ARHGAP22: variants seen among roughly 807,000 people sequenced by gnomAD.
The protein encoded by ARHGAP22 is rho GTPase-activating protein 22.
In ARHGAP22, 48 loss-of-function variants were observed where a neutral mutation model predicts 59.1. That is an observed-to-expected ratio of 0.81 (90% CI 0.64 to 1.03). ARHGAP22 has a LOEUF of 1.03. Among genes scored for constraint, ARHGAP22 ranks in the 50% least tolerant of loss-of-function variants. ARHGAP22 has a pLI of 0.00. For missense variants in ARHGAP22, 1,015 were observed against 958.7 expected (o/e 1.06, Z -0.78); for synonymous variants, 445 against 416.4 (o/e 1.07, Z -0.84).
intron 2 of ARHGAP22, among the ~76,000 whole-genome samples, chr10:48,568,893 T>G (rs1259965918): frequency 6.6e-6 from 1 of 152,220 alleles, no homozygotes; most frequent in African/African-American, 2.4e-5. Context: ...GCACAGTGTT[T>G]CCAGTCTTCT....
chr10:48,626,817 C>T (rs1316110950), intron 1 of ARHGAP22, among the ~76,000 whole-genome samples: 1 of 152,174 alleles, frequency 6.6e-6, no homozygotes, highest in Non-Finnish European at 1.5e-5. Flanking sequence ...GAGAAAGCCC[C>T]TTTCAAAGGC....
chr10:48,654,821 TCTTTCTTC>T (rs200605630), upstream of ARHGAP22, among the ~76,000 whole-genome samples: 104 of 51,986 alleles, frequency 2.0e-3, 1 homozygote, highest in East Asian at 0.066. Context: ...TTTCTTTCTT[TCTTTCTTC>T]CTTCCTTCCT....
chr10:48,479,701 G>T lies in ARHGAP22; in HGVS notation c.386C>A (p.Ser129Tyr). The T allele has an allele frequency of 1.2e-6, 2 of 1,611,036 alleles. No homozygotes were observed. Among genetic ancestry groups the T allele is most frequent in the Non-Finnish European group, 1.7e-6 (2 of 1,178,676 alleles). The change falls in exon 4 of 10, where the codon TCC becomes TAC. Residue 129 changes from serine (S) to tyrosine (Y), a missense_variant. Coordinates refer to ENST00000249601, the MANE Select transcript of ARHGAP22 (RefSeq NM_021226.4). ...NPEALLLMASSQRDMEDWVQA... is the reference protein window; with the variant it reads ...NPEALLLMASYQRDMEDWVQA... ...CACCCAGTCCTCCATGTCACGCTGG[G>T]AGCTGGCCATGAGCAGGAGCGCCTC... is the stretch of plus-strand genomic sequence containing the variant.
intron 9 of ARHGAP22, among the ~76,000 whole-genome samples, chr10:48,449,091 C>A (rs539655523): frequency 6.6e-6 from 1 of 152,210 alleles, no homozygotes; most frequent in Non-Finnish European, 1.5e-5. Context: ...ACACAACTGG[C>A]GCAGCTGGTC....
chr10:48,465,591 AC>A (rs1054929214), intron 4 of ARHGAP22, among the ~76,000 whole-genome samples: 1 of 152,092 alleles, frequency 6.6e-6, no homozygotes, highest in Non-Finnish European at 1.5e-5. Flanking sequence ...CCTGAGTCCC[AC>A]CCCGAAGGCC....
Position 48,605,006 on chromosome 10 carries a change from C to G in ARHGAP22, c.-210G>C. 6.9e-7 allele frequency: 1 copy of G among 1,445,108 alleles called. No homozygotes were observed. The highest frequency in any genetic ancestry group is 1.4e-5 in the South Asian group (1 of 69,598). The allele number at this position is 1,445,108 out of a possible 1,614,324, so 89.5% of individuals were successfully genotyped here. Reference sequence around the variant, plus strand: ...ACATAAACCTCGATGCATTATTTATCCATCCCAGAATTAATTCCCATCCAA... The same window carrying G: ...ACATAAACCTCGATGCATTATTTATGCATCCCAGAATTAATTCCCATCCAA... On this transcript the variant is annotated 5_prime_UTR_variant, in exon 1 of 10. Transcript: ENST00000249601.
chr10:48,456,809 G>A (rs972547557), intron 5 of ARHGAP22, among the ~76,000 whole-genome samples: 3 of 150,686 alleles, frequency 2.0e-5, no homozygotes, highest in Non-Finnish European at 4.4e-5. Flanking sequence ...TCCTTTCCTC[G>A]TCCCTCCCTC....
chr10:48,453,956 G>T, intron 7 of ARHGAP22, 132 bp downstream of exon 7: 1 of 936,164 alleles, frequency 1.1e-6, no homozygotes. Context: ...TCCACGCTGG[G>T]TTGAGGCTGT....
At chr10:48,499,200 A>G (rs1207759277) in intron 3 of ARHGAP22, among the ~76,000 whole-genome samples, 2 of 152,248 alleles carry the variant, frequency 1.3e-5, no homozygotes, top group African/African-American at 4.8e-5. Flanking sequence ...TAAGAATAAC[A>G]TAGCTCCTTT....
chr10:48,575,305 A>G (rs1254694373), intron 2 of ARHGAP22: 1 of 152,216 alleles, frequency 6.6e-6, no homozygotes, highest in Non-Finnish European at 1.5e-5. Context: ...TAGCAATGGG[A>G]GAATGGAGTA....
intron 2 of ARHGAP22, among the ~76,000 whole-genome samples, chr10:48,567,496 TTG>T (rs1336133680): frequency 5.3e-5 from 8 of 152,198 alleles, no homozygotes; most frequent in African/African-American, 1.4e-4. Context: ...AGGGGAGCTC[TTG>T]AATCCCCTAG....
At chr10:48,522,312 G>A (rs527838753) in intron 3 of ARHGAP22, among the ~76,000 whole-genome samples, 8 of 152,316 alleles carry the variant, frequency 5.3e-5, no homozygotes, top group African/African-American at 1.9e-4. Flanking sequence ...GCCATCTCTC[G>A]GGTAGGTGGG....
chr10:48,635,744 T>A (rs754133964), intron 1 of ARHGAP22, among the ~76,000 whole-genome samples: 5 of 152,218 alleles, frequency 3.3e-5, no homozygotes, highest in Non-Finnish European at 5.9e-5. Flanking sequence ...CTTTGCCCCA[T>A]CAGTCCTGCT....
chr10:48,579,696 G>A (rs892572059), intron 2 of ARHGAP22, among the ~76,000 whole-genome samples: 14 of 152,184 alleles, frequency 9.2e-5, no homozygotes, highest in Non-Finnish European at 1.6e-4. Context: ...TGTGAGCTCT[G>A]CGAAGCATCA....
intron 9 of ARHGAP22, 75 bp from the exon 10 acceptor site, chr10:48,446,694 T>A (rs1247847696): frequency 6.9e-7 from 1 of 1,442,784 alleles, no homozygotes; most frequent in East Asian, 2.4e-5. Context: ...ACCATGCTTG[T>A]GCTCACTGTG....
chr10:48,437,366 AGAG>A, the ARHGAP22 span: 3 of 151,912 alleles, frequency 2.0e-5, no homozygotes, highest in African/African-American at 7.3e-5. Context: ...TTTTTTTTGA[AGAG>A]AAGTTACAAA....
chr10:48,652,495 G>A lies in ARHGAP22; in HGVS notation c.-210C>T, dbSNP rs928006705. The A allele has an allele frequency of 5.9e-5, 35 of 588,592 alleles. No individual in the cohort carries two copies. In the East Asian group the frequency reaches 9.7e-4, roughly 16 times the overall value. 36.5% of individuals were successfully genotyped at this position (588,592 alleles called of 1,614,324 possible). A position where few individuals can be genotyped will look rare whatever the true frequency, so the allele number is the denominator to read the frequency against. The stretch of plus-strand genomic sequence containing the variant: ...TGAAGAATTAGTTCATTAAGCGTAA[G>A]TGCATCTAGGGATCTTGGAATGGCC... On this transcript the variant is annotated 5_prime_UTR_variant, in exon 1 of 10. Coordinates refer to the ARHGAP22 transcript ENST00000435790.
chr10:48,444,618 C>T (rs1199550501), downstream of ARHGAP22: 1 of 152,190 alleles, frequency 6.6e-6, no homozygotes, highest in African/African-American at 2.4e-5. Context: ...TCATGGGAAA[C>T]CCATTTCAGT....
upstream of ARHGAP22, among the ~76,000 whole-genome samples, chr10:48,606,728 G>A (rs2060691262): frequency 6.6e-6 from 1 of 152,094 alleles, no homozygotes; most frequent in Admixed American, 6.5e-5. Context: ...CCTCTCTCTG[G>A]AATGCCCTTC....
Sources: gnomAD v4.1 joint callset for allele counts (sites outside exome capture counted in the v4.1 genomes callset) on GRCh38, gnomAD v4.1.1 for gene constraint, MANE v1.5 for transcripts, NCBI Gene and HGNC (gene_info 2026-07-23, HGNC 2026-07-21) for gene names.